RALYL: variants seen among roughly 807,000 people sequenced by gnomAD.
RALYL encodes the protein RALY RNA binding protein like.
Under a neutral mutation model 35.1 loss-of-function variants are expected in RALYL, and 29 were observed. The observed-to-expected ratio is 0.83, with a 90% CI of 0.61 to 1.13. RALYL has a LOEUF of 1.13. RALYL is among the 50% of genes most tolerant of loss of function. RALYL has a pLI of 0.00. For synonymous variants in RALYL, 120 were observed against 127.6 expected (o/e 0.94, Z 0.40); for missense variants, 359 against 360.4 (o/e 1.00, Z 0.03).
chr8:84,324,223 T>C (rs1290205373), intron 1 of RALYL, among the ~76,000 whole-genome samples: 4 of 152,056 alleles, frequency 2.6e-5, no homozygotes, highest in African/African-American at 9.7e-5. Flanking sequence ...TGACTTTGAG[T>C]ATCTTGATTG....
chr8:84,831,989 A>G (rs1331524153), intron 4 of RALYL, among the ~76,000 whole-genome samples: 1 of 152,128 alleles, frequency 6.6e-6, no homozygotes, highest in Non-Finnish European at 1.5e-5. Flanking sequence ...CAATGCAGAA[A>G]ATCAAGTGCA....
chr8:84,653,046 G>A (rs1184747640), intron 2 of RALYL, among the ~76,000 whole-genome samples: 4 of 152,036 alleles, frequency 2.6e-5, no homozygotes, highest in Admixed American at 6.6e-5. Context: ...GTGTATACCA[G>A]TTAGTCCAAT....
At chr8:84,741,495 G>A (rs926196824) in intron 2 of RALYL, among the ~76,000 whole-genome samples, 7 of 152,044 alleles carry the variant, frequency 4.6e-5, no homozygotes, top group Non-Finnish European at 8.8e-5. Flanking sequence ...TTCCAAGATG[G>A]TGCCTTGAAT....
At chr8:84,764,120 C>A (rs1563549450) in intron 2 of RALYL, among the ~76,000 whole-genome samples, 1 of 152,140 alleles carries the variant, frequency 6.6e-6, no homozygotes, top group Non-Finnish European at 1.5e-5. Flanking sequence ...TGGGAAGAAA[C>A]CACCTCATAT....
At chr8:84,890,389 G>A (rs149210975) in intron 8 of RALYL, among the ~76,000 whole-genome samples, 186 of 152,086 alleles carry the variant, frequency 1.2e-3, no homozygotes, top group African/African-American at 3.8e-3. Flanking sequence ...CAGATTTGAG[G>A]GGAATGAAAA....
chr8:84,741,352 G>T (rs1807253938), intron 2 of RALYL, among the ~76,000 whole-genome samples: 1 of 151,960 alleles, frequency 6.6e-6, no homozygotes, highest in Non-Finnish European at 1.5e-5. Flanking sequence ...GTCTTAGTTT[G>T]CATGTGCTGC....
intron 2 of RALYL, among the ~76,000 whole-genome samples, chr8:84,620,702 G>T (rs899704870): frequency 1.1e-4 from 16 of 151,742 alleles, no homozygotes; most frequent in African/African-American, 1.7e-4. Context: ...TTTCTGTTCT[G>T]TTTTTTCCCC....
intron 7 of RALYL, among the ~76,000 whole-genome samples, chr8:84,875,789 A>G (rs879260101): frequency 1.3e-5 from 2 of 152,206 alleles, no homozygotes; most frequent in Non-Finnish European, 2.9e-5. Flanking sequence ...GTGGCTCCTT[A>G]TTCAAGGGGA....
intron 1 of RALYL, among the ~76,000 whole-genome samples, chr8:84,355,184 A>G (rs1485223269): frequency 3.3e-5 from 5 of 150,376 alleles, no homozygotes; most frequent in African/African-American, 1.2e-4. Context: ...TTAAAAGTTC[A>G]TTCTTCCATT....
intron 2 of RALYL, among the ~76,000 whole-genome samples, chr8:84,653,106 C>A (rs898585141): frequency 2.0e-5 from 3 of 151,952 alleles, no homozygotes; most frequent in Non-Finnish European, 2.9e-5. Context: ...AGAGTGCGTA[C>A]CAGAGTATAA....
At chr8:84,264,361 A>G (rs560711997) in intron 1 of RALYL, among the ~76,000 whole-genome samples, 3 of 150,986 alleles carry the variant, frequency 2.0e-5, no homozygotes, top group African/African-American at 7.3e-5. Context: ...TTCTCTAATG[A>G]TCAGTGATGT....
chr8:84,385,165 A>G (rs1296553800), intron 1 of RALYL, among the ~76,000 whole-genome samples: 1 of 151,830 alleles, frequency 6.6e-6, no homozygotes, highest in Non-Finnish European at 1.5e-5. Context: ...TGATCCATTT[A>G]CATATCTTAA....
intron 1 of RALYL, among the ~76,000 whole-genome samples, chr8:84,415,597 A>G (rs2044612029): frequency 6.6e-6 from 1 of 152,146 alleles, no homozygotes. Flanking sequence ...CTACCAGCCC[A>G]TTCTGCAATT....
chr8:84,707,942 A>G (rs1017360521), intron 2 of RALYL, among the ~76,000 whole-genome samples: 1 of 152,106 alleles, frequency 6.6e-6, no homozygotes, highest in Non-Finnish European at 1.5e-5. Context: ...TGGGTTTTTG[A>G]TCATATAAAA....
intron 2 of RALYL, among the ~76,000 whole-genome samples, chr8:84,621,296 T>C (rs908354534): frequency 2.0e-5 from 3 of 152,140 alleles, no homozygotes; most frequent in Admixed American, 6.5e-5. Context: ...TATAATCTCG[T>C]GGTCTGCCAT....
At chr8:84,270,998 G>T (rs1001701976) in intron 1 of RALYL, among the ~76,000 whole-genome samples, 2 of 151,910 alleles carry the variant, frequency 1.3e-5, no homozygotes, top group Admixed American at 6.6e-5. Flanking sequence ...GAGAATATTT[G>T]TAATCTGCAA....
intron 1 of RALYL, among the ~76,000 whole-genome samples, chr8:84,385,135 C>T (rs1858899737): frequency 1.3e-5 from 2 of 151,614 alleles, no homozygotes; most frequent in African/African-American, 4.8e-5. Context: ...AAGCATTTTG[C>T]GTGTATATGA....
intron 1 of RALYL, among the ~76,000 whole-genome samples, chr8:84,520,510 T>G (rs1208184675): frequency 6.6e-6 from 1 of 152,210 alleles, no homozygotes; most frequent in African/African-American, 2.4e-5. Context: ...TTATGTGATC[T>G]TAGTGATTGG....
chr8:84,315,621 T>G (rs76254699), intron 1 of RALYL, among the ~76,000 whole-genome samples: 8,096 of 152,122 alleles, frequency 0.053, 241 homozygotes, highest in Middle Eastern at 0.088. Context: ...TCAAAATTGG[T>G]TGAATAAACT....
Sources: gnomAD v4.1 joint callset for allele counts (sites outside exome capture counted in the v4.1 genomes callset) on GRCh38, gnomAD v4.1.1 for gene constraint, MANE v1.5 for transcripts, NCBI Gene and HGNC (gene_info 2026-07-23, HGNC 2026-07-21) for gene names.